The following C8orf34 variants were observed in gnomAD, a reference collection of about 807,000 sequenced individuals.
The protein encoded by C8orf34 is uncharacterized protein C8orf34.
In C8orf34, 65 loss-of-function variants were observed where a neutral mutation model predicts 68.3. The observed-to-expected ratio is 0.95, with a 90% CI of 0.78 to 1.17. The LOEUF (loss-of-function observed/expected upper bound fraction) is 1.17, where lower values mean the gene tolerates loss of function less well. Among genes scored for constraint, C8orf34 ranks in the 50% most tolerant of loss-of-function variants. C8orf34 has a pLI of 0.00. For synonymous variants in C8orf34, 244 were observed against 241.2 expected (o/e 1.01, Z -0.11); for missense variants, 664 against 655.4 (o/e 1.01, Z -0.14).
chr8:68,744,845 C>G lies in C8orf34; in HGVS notation c.1404+23408C>G, dbSNP rs1244479387. Among the ~76,000 whole-genome samples, 3 of 152,288 alleles carry G rather than the reference C, an allele frequency of 2.0e-5. No individual in the cohort carries two copies. In the South Asian group the frequency reaches 6.2e-4, roughly 32 times the overall value. On this transcript the variant is annotated intron_variant, in intron 10 of 13. Coordinates refer to ENST00000518698, the MANE Select transcript of C8orf34 (RefSeq NM_052958.4). ...ATCCAGGAGAACTTCCCCAATCTAG[C>G]AAGGCAGGCCAACATTCAGATTCAG...
intron 8 of C8orf34, among the ~76,000 whole-genome samples, 154 bp downstream of exon 8, chr8:68,640,665 T>C (rs996072148): frequency 3.9e-5 from 6 of 152,198 alleles, no homozygotes; most frequent in Non-Finnish European, 8.8e-5. Flanking sequence ...AGTTATGCAG[T>C]TTATCCTGTG....
At chr8:68,779,808 T>C (rs1337501235) in intron 11 of C8orf34, among the ~76,000 whole-genome samples, 1 of 152,122 alleles carries the variant, frequency 6.6e-6, no homozygotes, top group Non-Finnish European at 1.5e-5. Flanking sequence ...TTATTAATTA[T>C]CATAGTTTTA....
At chr8:68,443,379 T>G (rs1810990316) in intron 2 of C8orf34, among the ~76,000 whole-genome samples, 1 of 152,148 alleles carries the variant, frequency 6.6e-6, no homozygotes, top group South Asian at 2.1e-4. Context: ...TTTGAATTCT[T>G]GATTTTGGTG....
At chr8:68,616,498 C>A (rs1397281998) in intron 7 of C8orf34, among the ~76,000 whole-genome samples, 3 of 152,110 alleles carry the variant, frequency 2.0e-5, no homozygotes, top group African/African-American at 7.2e-5. Flanking sequence ...TGTCTTTGTC[C>A]TCATTGGTTT....
intron 1 of C8orf34, among the ~76,000 whole-genome samples, chr8:68,358,085 G>T (rs1033407107): frequency 6.6e-6 from 1 of 152,042 alleles, no homozygotes; most frequent in Non-Finnish European, 1.5e-5. Context: ...AATTCTTTCT[G>T]AAATAAGGAC....
chr8:68,611,309 G>A (rs1270065612), intron 7 of C8orf34, among the ~76,000 whole-genome samples: 1 of 152,134 alleles, frequency 6.6e-6, no homozygotes, highest in African/African-American at 2.4e-5. Flanking sequence ...TGAAACATAG[G>A]ACTGACTGCT....
intron 9 of C8orf34, among the ~76,000 whole-genome samples, chr8:68,713,276 G>C (rs1375035400): frequency 1.3e-5 from 2 of 151,938 alleles, no homozygotes; most frequent in Non-Finnish European, 2.9e-5. Context: ...TGGAACTGGA[G>C]AAACAAGAAC....
chr8:68,485,754 A>AATAAATAT (rs1393450390), intron 4 of C8orf34, among the ~76,000 whole-genome samples: 9 of 149,882 alleles, frequency 6.0e-5, no homozygotes, highest in African/African-American at 2.0e-4. Context: ...TAAATAAATA[A>AATAAATAT]AAATAAATCA....
intron 10 of C8orf34, among the ~76,000 whole-genome samples, chr8:68,750,221 A>G (rs533811946): frequency 1.2e-4 from 19 of 152,292 alleles, no homozygotes; most frequent in South Asian, 4.1e-4. Context: ...AAATAACCCA[A>G]CATACATGAA....
chr8:68,801,282 T>C (rs1217145136), intron 12 of C8orf34, among the ~76,000 whole-genome samples: 1 of 152,174 alleles, frequency 6.6e-6, no homozygotes, highest in Non-Finnish European at 1.5e-5. Flanking sequence ...CATTTAAAAA[T>C]TAGGAGATCT....
At chr8:68,391,845 T>A (rs1808491619) in intron 1 of C8orf34, among the ~76,000 whole-genome samples, 1 of 152,108 alleles carries the variant, frequency 6.6e-6, no homozygotes, top group South Asian at 2.1e-4. Flanking sequence ...GAGAGTGACA[T>A]AAATCACTTT....
At chr8:68,416,512 CATTTATTTATTT>C (rs3057630) in intron 1 of C8orf34, among the ~76,000 whole-genome samples, 2,716 of 146,028 alleles carry the variant, frequency 0.019, 92 homozygotes, top group African/African-American at 0.063. Flanking sequence ...ATTAAACATA[CATTTATTTATTT>C]ATTTATTTAT....
At chr8:68,762,470 AATTACACT>A (rs1823048628) in intron 10 of C8orf34, among the ~76,000 whole-genome samples, 1 of 152,204 alleles carries the variant, frequency 6.6e-6, no homozygotes, top group African/African-American at 2.4e-5. Flanking sequence ...AAGTCCATAA[AATTACACT>A]ATACATGTTA....
At chr8:68,744,818 T>G (rs1308939276) in intron 10 of C8orf34, among the ~76,000 whole-genome samples, 4 of 152,126 alleles carry the variant, frequency 2.6e-5, no homozygotes, top group Admixed American at 6.5e-5. Flanking sequence ...CTGCACGATA[T>G]TATCCAGGAG....
chr8:68,767,955 C>T (rs1316409682), intron 10 of C8orf34, among the ~76,000 whole-genome samples: 2 of 151,802 alleles, frequency 1.3e-5, no homozygotes, highest in African/African-American at 2.4e-5. Flanking sequence ...AAATCCTTTC[C>T]CTCACTTACT....
At chr8:68,749,584 A>C (rs1300455892) in intron 10 of C8orf34, among the ~76,000 whole-genome samples, 1 of 152,136 alleles carries the variant, frequency 6.6e-6, no homozygotes, top group Non-Finnish European at 1.5e-5. Context: ...CCTCATGCCT[A>C]TTTATAGTTA....
intron 8 of C8orf34, among the ~76,000 whole-genome samples, chr8:68,687,987 C>G (rs1307541460): frequency 1.3e-5 from 2 of 152,046 alleles, no homozygotes; most frequent in Non-Finnish European, 2.9e-5. Context: ...ATAGACATTT[C>G]TCAAAAGAAG....
At chr8:68,460,560 C>T (rs1311816597) in intron 3 of C8orf34, among the ~76,000 whole-genome samples, 1 of 152,138 alleles carries the variant, frequency 6.6e-6, no homozygotes, top group Non-Finnish European at 1.5e-5. Context: ...GGCAGACTGA[C>T]ACCTCACATG....
At position 68,407,213 on chromosome 8, in the gene C8orf34, CT is replaced by C. The variant is rs11377794; in HGVS notation, c.328-32276del. Among the ~76,000 whole-genome samples the C allele has an allele frequency of 6.1e-3, 895 of 146,726 alleles. 8 individuals carry two copies. The highest frequency in any genetic ancestry group is 0.023 in the East Asian group (113 of 5,018). On this transcript the variant is annotated intron_variant, in intron 1 of 13. Transcript: ENST00000518698. ...TACCTGGCTACTTTTTCTAAGGTTC[CT>C]TTTTTTTTTATCGTTATAAAATATC...
Sources: gnomAD v4.1 joint callset for allele counts (sites outside exome capture counted in the v4.1 genomes callset) on GRCh38, gnomAD v4.1.1 for gene constraint, MANE v1.5 for transcripts, NCBI Gene and HGNC (gene_info 2026-07-23, HGNC 2026-07-21) for gene names.